C16orf87: variants seen among roughly 807,000 people sequenced by gnomAD.
C16orf87 encodes the protein HDAC and MIER1 interacting protein 1, also known as UPF0547 protein C16orf87.
In C16orf87, 13 loss-of-function variants were observed where a neutral mutation model predicts 21.0. That is an observed-to-expected ratio of 0.62 (90% CI 0.40 to 0.98). C16orf87 has a LOEUF of 0.98. C16orf87 is among the 50% of genes least tolerant of loss of function. C16orf87 has a pLI of 0.00. For synonymous variants in C16orf87, 49 were observed against 60.2 expected (o/e 0.81, Z 0.86); for missense variants, 113 against 180.4 (o/e 0.63, Z 2.14).
chr16:46,818,732 C>T (rs946551584), intron 2 of C16orf87, among the ~76,000 whole-genome samples: 1 of 152,098 alleles, frequency 6.6e-6, no homozygotes. Flanking sequence ...CTCTGTCACT[C>T]AGGCTGGAGT....
In C16orf87 at chr16:46,802,896, T is replaced by G; in HGVS notation, c.*56A>C. ...ATGCTCCTGAGAGTCCATAACTGTT[T>G]GAGAATTTGCTGATGTTATCCTGAC... is the stretch of plus-strand genomic sequence containing the variant. On this transcript the variant is annotated 3_prime_UTR_variant, in exon 4 of 4. Transcript: ENST00000285697. 8 of 834,506 alleles carry G rather than the reference T, an allele frequency of 9.6e-6. No individual in the cohort carries two copies. The highest frequency in any genetic ancestry group is 1.7e-5 in the Non-Finnish European group (8 of 479,852). 51.7% of individuals were successfully genotyped at this position (834,506 alleles called of 1,614,324 possible).
At chr16:46,813,551 A>T (rs1163162570) in intron 2 of C16orf87, among the ~76,000 whole-genome samples, 1 of 151,496 alleles carries the variant, frequency 6.6e-6, no homozygotes, top group East Asian at 1.9e-4. Context: ...TTCCATATTT[A>T]AACTAAAAAT....
Position 46,802,742 on chromosome 16 carries a change from C to T in C16orf87, c.*210G>A, listed in dbSNP as rs1967812793. The T allele has an allele frequency of 2.5e-6, 1 of 399,346 alleles. No homozygotes were observed. The highest frequency in any genetic ancestry group is 4.5e-6 in the Non-Finnish European group (1 of 222,664). The allele number at this position is 399,346 out of a possible 1,614,324, so 24.7% of individuals were successfully genotyped here. ...TTATATCCCAAACACAAAACACTGACAATACTCCTTGGTAAACAAGGAAAT... is the reference window on the plus strand; with the variant it reads ...TTATATCCCAAACACAAAACACTGATAATACTCCTTGGTAAACAAGGAAAT... On this transcript the variant is annotated 3_prime_UTR_variant, in exon 4 of 4. Coordinates refer to ENST00000285697, the MANE Select transcript of C16orf87 (RefSeq NM_001001436.4).
chr16:46,824,997 C>T (rs1336392890), intron 1 of C16orf87, among the ~76,000 whole-genome samples: 1 of 151,996 alleles, frequency 6.6e-6, no homozygotes, highest in East Asian at 1.9e-4. Context: ...TTAACAAAAC[C>T]ATGAAGACTA....
intron 1 of C16orf87, among the ~76,000 whole-genome samples, chr16:46,826,602 A>C (rs1959628877): frequency 6.6e-6 from 1 of 152,228 alleles, no homozygotes; most frequent in Non-Finnish European, 1.5e-5. Context: ...ATCAATAAAA[A>C]TAATCAAACT....
chr16:46,820,026 A>G (rs1430966445), intron 2 of C16orf87, among the ~76,000 whole-genome samples: 1 of 152,222 alleles, frequency 6.6e-6, no homozygotes, highest in Non-Finnish European at 1.5e-5. Flanking sequence ...GATTTTATAT[A>G]TACATATTTT....
At chr16:46,813,586 C>A (rs1968161289) in intron 2 of C16orf87, among the ~76,000 whole-genome samples, 1 of 152,010 alleles carries the variant, frequency 6.6e-6, no homozygotes, top group Non-Finnish European at 1.5e-5. Flanking sequence ...AAGTCCCCAA[C>A]AGATCTGGCA....
Position 46,809,749 on chromosome 16 carries a change from C to T in C16orf87, c.200G>A (p.Arg67Lys). 1 of 1,610,212 alleles carries T rather than the reference C, an allele frequency of 6.2e-7. No homozygotes were observed. The highest frequency in any genetic ancestry group is 8.5e-7 in the Non-Finnish European group (1 of 1,177,134). Residue 67 changes from arginine to lysine, a missense_variant, in exon 3 of 4, where the codon AGA becomes AAA. Physicochemically the swap from Arg to Lys is conservative, Grantham distance 26. Transcript: ENST00000285697. ...KHEAKRRRTE[R>K]VRREKINSTV... is the part of the protein sequence containing the mutation. ...AGAATTTATCTTCTCTCTCCTAACT[C>T]TCTCTGTTCGCCTCCTCTTGGCCTC...
intron 3 of C16orf87, chr16:46,808,186 G>A (rs1399599948): frequency 6.9e-6 from 3 of 434,908 alleles, no homozygotes; most frequent in Non-Finnish European, 1.4e-5. Context: ...CCCTCTGGAA[G>A]AGCATAATAG....
intron 2 of C16orf87, among the ~76,000 whole-genome samples, 158 bp downstream of exon 2, chr16:46,824,228 C>G (rs1279401149): frequency 1.3e-5 from 2 of 152,132 alleles, no homozygotes; most frequent in Non-Finnish European, 2.9e-5. Context: ...GCACATGAAA[C>G]CAACGTCGTA....
At chr16:46,812,987 T>A (rs1327394191) in intron 2 of C16orf87, among the ~76,000 whole-genome samples, 20 of 152,196 alleles carry the variant, frequency 1.3e-4, no homozygotes. Context: ...TAATCGCCTT[T>A]GCTGTGTGCC....
rs1157480561 is a variant in C16orf87 at position 46,799,460 on chromosome 16, GA to G, written c.*3491del. On this transcript the variant is annotated 3_prime_UTR_variant, in exon 4 of 4. Coordinates refer to ENST00000285697, the MANE Select transcript of C16orf87 (RefSeq NM_001001436.4). ...TAACAACAATATGCCTTAAAGGCTA[GA>G]AAGACAGAAAATACTAGGGAAAAAA... is the stretch of plus-strand genomic sequence containing the variant. 3.3e-5 allele frequency: 5 copies of G among 152,056 alleles called. No individual in the cohort carries two copies. The highest frequency in any genetic ancestry group is 1.2e-4 in the African/African-American group (5 of 41,410). 9.4% of individuals were successfully genotyped at this position (152,056 alleles called of 1,614,324 possible).
chr16:46,806,040 A>G (rs1967918769), intron 3 of C16orf87, among the ~76,000 whole-genome samples: 1 of 152,112 alleles, frequency 6.6e-6, no homozygotes, highest in East Asian at 1.9e-4. Context: ...AAGAGGGTAA[A>G]CAGTCCTGGT....
At chr16:46,822,409 AATC>A (rs1414253138) in intron 2 of C16orf87, among the ~76,000 whole-genome samples, 2 of 152,224 alleles carry the variant, frequency 1.3e-5, no homozygotes, top group African/African-American at 2.4e-5. Context: ...CTACCGAGTG[AATC>A]ATCATTTCAG....
Position 46,819,920 on chromosome 16 carries a change from T to C in C16orf87, c.163+4466A>G, listed in dbSNP as rs578234740. On this transcript the variant is annotated intron_variant, in intron 2 of 3. Transcript: ENST00000285697. ...ATCCAGGAGGCAGAGGTTGCAGAGG[T>C]TGTGGTGAGCCAATATTGTGCCATT... 1.6e-3 allele frequency among the ~76,000 whole-genome samples: 247 copies of C among 151,980 alleles called. 2 individuals carry two copies. Among genetic ancestry groups the C allele is most frequent in the Non-Finnish European group, 7.6e-4 (52 of 67,984 alleles).
At chr16:46,822,801 A>C (rs1262048596) in intron 2 of C16orf87, among the ~76,000 whole-genome samples, 1 of 152,136 alleles carries the variant, frequency 6.6e-6, no homozygotes, top group South Asian at 2.1e-4. Flanking sequence ...CTAAAACTCA[A>C]ATCAGAGGAT....
At position 46,800,378 on chromosome 16, in the gene C16orf87, A is replaced by G. The variant is rs1445566077; in HGVS notation, c.*2574T>C. On this transcript the variant is annotated 3_prime_UTR_variant, in exon 4 of 4. Coordinates refer to ENST00000285697, the MANE Select transcript of C16orf87 (RefSeq NM_001001436.4). ...CATTTACATTTAAATACAGCCAAAAAATACCCATGAAAATCTAAGAAATGT... is the reference window on the plus strand; with the variant it reads ...CATTTACATTTAAATACAGCCAAAAGATACCCATGAAAATCTAAGAAATGT... The G allele has an allele frequency of 6.6e-6, 1 of 152,226 alleles. No homozygotes were observed. Among genetic ancestry groups the G allele is most frequent in the Non-Finnish European group, 1.5e-5 (1 of 68,032 alleles). The allele number at this position is 152,226 out of a possible 1,614,324, so 9.4% of individuals were successfully genotyped here. A position where few individuals can be genotyped will look rare whatever the true frequency, so the allele number is the denominator to read the frequency against.
intron 2 of C16orf87, among the ~76,000 whole-genome samples, chr16:46,811,617 C>A (rs1354431709): frequency 6.6e-6 from 1 of 151,718 alleles, no homozygotes; most frequent in Non-Finnish European, 1.5e-5. Context: ...CTCTCCAGCC[C>A]TTAGATCTAA....
chr16:46,823,365 A>G (rs1343277461), intron 2 of C16orf87, among the ~76,000 whole-genome samples: 1 of 152,246 alleles, frequency 6.6e-6, no homozygotes, highest in Non-Finnish European at 1.5e-5. Context: ...GCAGGTGCTC[A>G]GTATATATTT....
Sources: allele counts gnomAD v4.1 joint callset (sites outside exome capture counted in the v4.1 genomes callset), GRCh38; gene constraint gnomAD v4.1.1; transcripts MANE v1.5; gene names NCBI Gene and HGNC (gene_info 2026-07-23, HGNC 2026-07-21).